MTCL1: variants seen among roughly 807,000 people sequenced by gnomAD.
The protein encoded by MTCL1 is microtubule cross-linking factor 1.
A neutral mutation model predicts 141.4 loss-of-function variants in MTCL1; 79 were observed. The ratio of observed to expected loss-of-function variants is 0.56; its 90% CI spans 0.47 to 0.67. MTCL1 has a LOEUF of 0.67. Among genes scored for constraint, MTCL1 ranks in the 30% least tolerant of loss-of-function variants. MTCL1 has a pLI of 0.00. For missense variants in MTCL1, 2,177 were observed against 2,113.9 expected (o/e 1.03, Z -0.59); for synonymous variants, 914 against 875.8 (o/e 1.04, Z -0.77).
exon 6 of MTCL1, chr18:8,784,150 C>G: frequency 6.2e-7 from 1 of 1,613,698 alleles, no homozygotes; most frequent in Non-Finnish European, 8.5e-7. Context: ...TGCAGATCAG[C>G]GAGCTCAGCG....
chr18:8,722,684 G>A (rs1294352894), intron 4 of MTCL1, among the ~76,000 whole-genome samples: 9 of 152,218 alleles, frequency 5.9e-5, no homozygotes, highest in African/African-American at 1.9e-4. Context: ...GGAGGAGGAA[G>A]AGGAGGGTTT....
intron 4 of MTCL1, among the ~76,000 whole-genome samples, chr18:8,731,819 C>T (rs2096252137): frequency 6.6e-6 from 1 of 151,996 alleles, no homozygotes; most frequent in Non-Finnish European, 1.5e-5. Flanking sequence ...AGTGATTCTC[C>T]TGCCTCAGTC....
chr18:8,735,218 G>A (rs1011569043), intron 4 of MTCL1, among the ~76,000 whole-genome samples: 4 of 152,146 alleles, frequency 2.6e-5, no homozygotes, highest in African/African-American at 9.7e-5. Context: ...TCAGATTCTA[G>A]CATATGCATG....
upstream of MTCL1, among the ~76,000 whole-genome samples, chr18:8,715,000 G>T (rs539821727): frequency 6.6e-6 from 1 of 152,090 alleles, no homozygotes; most frequent in African/African-American, 2.4e-5. Context: ...GTTTCACTGT[G>T]TTAGCCAGGA....
chr18:8,815,426 C>A (rs2076620559), intron 12 of MTCL1, among the ~76,000 whole-genome samples: 1 of 151,840 alleles, frequency 6.6e-6, no homozygotes, highest in African/African-American at 2.4e-5. Context: ...ACAGTGAGAT[C>A]ACATGGACAC....
chr18:8,706,787 C>A (rs2096060309), intron 1 of MTCL1, 74 bp downstream of exon 1: 5 of 1,524,368 alleles, frequency 3.3e-6, no homozygotes, highest in South Asian at 1.2e-5. Flanking sequence ...CCCGCCAACC[C>A]CTCCTTCCCG....
At position 8,830,284 on chromosome 18, in the gene MTCL1, A is replaced by G; in HGVS notation, c.*18+1320A>G. 1.0e-6 allele frequency: 1 copy of G among 985,516 alleles called. No homozygotes were observed. Among genetic ancestry groups the G allele is most frequent in the Non-Finnish European group, 1.2e-6 (1 of 829,980 alleles). The allele number at this position is 985,516 out of a possible 1,614,324, so 61.0% of individuals were successfully genotyped here. A position where few individuals can be genotyped will look rare whatever the true frequency, so the allele number is the denominator to read the frequency against. ...ACTGTTAGCATAATGCTTTGGGAAC[A>G]GAAGCTTCTCCCTGTGGCCGTATGA... On this transcript the variant is annotated intron_variant, in intron 16 of 16. Transcript: ENST00000359865. The surrounding 1 kb of genome is among the most constrained non-coding windows in gnomAD (Gnocchi z 6.4).
At chr18:8,800,067 G>A (rs1053299413) in intron 10 of MTCL1, among the ~76,000 whole-genome samples, 7 of 152,220 alleles carry the variant, frequency 4.6e-5, no homozygotes, top group East Asian at 1.9e-4. Context: ...GCTCACTAAC[G>A]CATGCACAAC....
At position 8,725,384 on chromosome 18, in the gene MTCL1, G is replaced by A. The variant is rs2096201659; in HGVS notation, c.357+4888G>A. On this transcript the variant is annotated intron_variant, in intron 4 of 16. Coordinates refer to ENST00000359865, the Ensembl canonical transcript of MTCL1. ...GTAATGATTCCTGTGTGCTTGAGAC[G>A]AATGTGTTTTGGGGTGCAGACTTTG... 3.9e-5 allele frequency among the ~76,000 whole-genome samples: 6 copies of A among 152,190 alleles called. 1 individual carries two copies. In the South Asian group the frequency reaches 1.2e-3, roughly 31 times the overall value.
chr18:8,718,851 C>T (rs1240624770), intron 3 of MTCL1, among the ~76,000 whole-genome samples: 1 of 152,014 alleles, frequency 6.6e-6, no homozygotes, highest in Non-Finnish European at 1.5e-5. Context: ...ATAATATGAA[C>T]TTTAAAAAAA....
chr18:8,786,271 G>A (rs756001437), intron 7 of MTCL1, 180 bp downstream of exon 6: 72 of 757,892 alleles, frequency 9.5e-5, no homozygotes, highest in East Asian at 1.9e-4. Context: ...GCAGGTGTGC[G>A]CAGGTGCCTG....
chr18:8,824,702 G>A lies in MTCL1; in HGVS notation c.3192G>A (p.Ala1064=), dbSNP rs746945965. The stretch of plus-strand genomic sequence containing the variant: ...CCCTCTTTTCTGCTTTTCCCAGGGC[G>A]GTGTCCGTGTCCTCCATGTCTGAGT... The change falls in exon 15 of 17, where the codon GCG becomes GCA. Residue 1064 remains alanine (A), a synonymous_variant. Transcript: ENST00000359865. The A allele has an allele frequency of 2.1e-5, 34 of 1,608,902 alleles. No individual in the cohort carries two copies. Among genetic ancestry groups the A allele is most frequent in the Middle Eastern group, 1.7e-4 (1 of 6,056 alleles).
intron 11 of MTCL1, among the ~76,000 whole-genome samples, chr18:8,811,736 G>A (rs1266425359): frequency 6.6e-6 from 1 of 151,972 alleles, no homozygotes; most frequent in African/African-American, 2.4e-5. Flanking sequence ...AAATAAACTG[G>A]GAATAAGGAT....
chr18:8,722,761 A>G (rs999883321), intron 4 of MTCL1, among the ~76,000 whole-genome samples: 1 of 152,208 alleles, frequency 6.6e-6, no homozygotes, highest in African/African-American at 2.4e-5. Context: ...TTCACAGTTC[A>G]AAAGTATGTT....
chr18:8,717,196 A>G (rs561194771), upstream of MTCL1, among the ~76,000 whole-genome samples: 218 of 152,280 alleles, frequency 1.4e-3, no homozygotes, highest in African/African-American at 5.1e-3. Flanking sequence ...TTGTTAGTGT[A>G]GGTGACAGAC....
At chr18:8,784,794 G>T (rs370769194) in exon 6 of MTCL1, 1 of 1,610,962 alleles carries the variant, frequency 6.2e-7, no homozygotes, top group Non-Finnish European at 8.5e-7. Flanking sequence ...TCCGTGTCCC[G>T]GGACTCCCCC....
At chr18:8,778,401 G>A (rs2096520306) in intron 5 of MTCL1, among the ~76,000 whole-genome samples, 1 of 152,206 alleles carries the variant, frequency 6.6e-6, no homozygotes, top group African/African-American at 2.4e-5. Context: ...TAGCTTTTCT[G>A]TAAAGCTGTT....
chr18:8,826,185 A>G, exon 15 of MTCL1: 2 of 1,611,192 alleles, frequency 1.2e-6, no homozygotes, highest in Non-Finnish European at 1.7e-6. Context: ...GGGTCTCCAC[A>G]GTGACAGCCA....
At chr18:8,794,568 C>T (rs2075849008) in intron 8 of MTCL1, among the ~76,000 whole-genome samples, 1 of 152,206 alleles carries the variant, frequency 6.6e-6, no homozygotes, top group South Asian at 2.1e-4. Context: ...GGGGAAGGGT[C>T]TCACGTTACC....
Sources: allele counts gnomAD v4.1 joint callset (sites outside exome capture counted in the v4.1 genomes callset), GRCh38; gene constraint gnomAD v4.1.1; non-coding constraint Gnocchi (gnomAD v3.1); transcripts MANE v1.5; gene names NCBI Gene and HGNC (gene_info 2026-07-23, HGNC 2026-07-21).